Variants in SCFD2 observed in about 807,000 individuals in gnomAD.
The protein encoded by SCFD2 is sec1 family domain-containing protein 2.
Under a neutral mutation model 58.9 loss-of-function variants are expected in SCFD2, and 54 were observed. The observed-to-expected ratio is 0.92, with a 90% CI of 0.74 to 1.15. SCFD2 has a LOEUF of 1.15. Ranked by LOEUF, SCFD2 falls within the 50% of genes most tolerant of loss-of-function variation. The pLI is 0.00. For synonymous variants in SCFD2, 321 were observed against 335.9 expected (o/e 0.96, Z 0.49); for missense variants, 805 against 836.6 (o/e 0.96, Z 0.47).
rs142920948 is a variant in SCFD2 at position 53,008,846 on chromosome 4, G to A, written c.1562-87976C>T. On this transcript the variant is annotated intron_variant, in intron 5 of 8. Coordinates refer to ENST00000401642, the MANE Select transcript of SCFD2 (RefSeq NM_152540.4). ...AGTTCAATAGAAGTACTTTCCAATT[G>A]TCTATAATCTCACTATCATGCAGAA... 3.0e-4 allele frequency among the ~76,000 whole-genome samples: 46 copies of A among 152,270 alleles called. 1 individual carries two copies. The East Asian group carries it at 8.3e-3, about 27-fold the overall frequency.
At chr4:53,331,105 A>C (rs1213510344) in intron 2 of SCFD2, among the ~76,000 whole-genome samples, 2 of 151,848 alleles carry the variant, frequency 1.3e-5, no homozygotes, top group Non-Finnish European at 2.9e-5. Flanking sequence ...GCAAGTCCTG[A>C]GTGACCTACA....
chr4:53,237,046 C>G (rs560311011), intron 4 of SCFD2, among the ~76,000 whole-genome samples: 3,390 of 148,944 alleles, frequency 0.023, 59 homozygotes, highest in Non-Finnish European at 0.034. Flanking sequence ...TGACTCTTAA[C>G]GAGCATGCTG....
At chr4:52,924,281 A>G (rs1166486749) in intron 5 of SCFD2, among the ~76,000 whole-genome samples, 2 of 152,140 alleles carry the variant, frequency 1.3e-5, no homozygotes, top group Non-Finnish European at 2.9e-5. Flanking sequence ...AAAGTTATGG[A>G]TTATACATTG....
intron 5 of SCFD2, among the ~76,000 whole-genome samples, chr4:52,954,427 T>A (rs1720666028): frequency 6.6e-6 from 1 of 152,278 alleles, no homozygotes; most frequent in South Asian, 2.1e-4. Context: ...CACTGGAAGG[T>A]GAGGAAGTCG....
intron 5 of SCFD2, among the ~76,000 whole-genome samples, chr4:53,043,005 C>T (rs1159925256): frequency 6.6e-6 from 1 of 152,268 alleles, no homozygotes; most frequent in Non-Finnish European, 1.5e-5. Context: ...AGAAAAACAA[C>T]AGGGCCACAG....
chr4:53,226,852 C>T (rs1560396676), intron 4 of SCFD2, among the ~76,000 whole-genome samples: 2 of 152,172 alleles, frequency 1.3e-5, no homozygotes, highest in Admixed American at 6.5e-5. Context: ...CAGAAACCAA[C>T]CAACCCTCAA....
At chr4:52,983,037 C>G (rs1721411326) in intron 5 of SCFD2, among the ~76,000 whole-genome samples, 1 of 152,014 alleles carries the variant, frequency 6.6e-6, no homozygotes, top group African/African-American at 2.4e-5. Flanking sequence ...CTACTTGGTC[C>G]CTTGGTTTGT....
chr4:52,989,792 TTC>T (rs1176873988), intron 5 of SCFD2, among the ~76,000 whole-genome samples: 1 of 152,196 alleles, frequency 6.6e-6, no homozygotes, highest in Non-Finnish European at 1.5e-5. Context: ...CTAATGAGTT[TTC>T]TCTGTTCCCT....
At chr4:53,293,795 ATAGG>A (rs1731926431) in intron 3 of SCFD2, among the ~76,000 whole-genome samples, 1 of 152,110 alleles carries the variant, frequency 6.6e-6, no homozygotes, top group African/African-American at 2.4e-5. Flanking sequence ...GGTTTGTTAC[ATAGG>A]TATACACGTG....
intron 2 of SCFD2, among the ~76,000 whole-genome samples, chr4:53,337,052 C>G (rs1484763307): frequency 2.0e-5 from 3 of 152,142 alleles, no homozygotes; most frequent in Non-Finnish European, 4.4e-5. Flanking sequence ...TTAGTCTACT[C>G]CAGTTGCCAT....
At chr4:52,959,166 CA>C (rs1720783506) in intron 5 of SCFD2, among the ~76,000 whole-genome samples, 1 of 152,134 alleles carries the variant, frequency 6.6e-6, no homozygotes, top group Non-Finnish European at 1.5e-5. Flanking sequence ...GGCAGACAGG[CA>C]AAGCTCTGGA....
In SCFD2 at chr4:52,933,539, A is replaced by G. The variant is rs141727211; in HGVS notation, c.1562-12669T>C. On this transcript the variant is annotated intron_variant, in intron 5 of 8. Transcript: ENST00000401642. ...CATGTTCATGTAGGATGGGTTTGAG[A>G]GAGTGGGGCTTGGGCTCAGAGTGTA... 1.6e-3 allele frequency among the ~76,000 whole-genome samples: 247 copies of G among 152,192 alleles called. 2 individuals carry two copies. The highest frequency in any genetic ancestry group is 5.6e-3 in the African/African-American group (231 of 41,516).
intron 5 of SCFD2, among the ~76,000 whole-genome samples, chr4:52,984,485 G>T (rs1721445841): frequency 6.6e-6 from 1 of 152,152 alleles, no homozygotes; most frequent in Non-Finnish European, 1.5e-5. Context: ...GACTGACAGT[G>T]GAATCAAATG....
At chr4:53,310,062 A>G (rs1310689046) in intron 3 of SCFD2, among the ~76,000 whole-genome samples, 1 of 152,194 alleles carries the variant, frequency 6.6e-6, no homozygotes, top group African/African-American at 2.4e-5. Context: ...AGAGAGACAT[A>G]TAAGAAAGTG....
intron 2 of SCFD2, among the ~76,000 whole-genome samples, chr4:53,327,254 G>A (rs1326978044): frequency 1.3e-5 from 2 of 152,074 alleles, no homozygotes; most frequent in African/African-American, 4.8e-5. Flanking sequence ...CAAGAGGGTG[G>A]GTGGGAGCAT....
chr4:53,109,663 G>A (rs1012991020), intron 5 of SCFD2, among the ~76,000 whole-genome samples: 1 of 152,088 alleles, frequency 6.6e-6, no homozygotes, highest in African/African-American at 2.4e-5. Context: ...AACTCACAAC[G>A]AATGTGAAGG....
chr4:53,342,239 C>G (rs1273143871), intron 2 of SCFD2, among the ~76,000 whole-genome samples: 1 of 151,976 alleles, frequency 6.6e-6, no homozygotes, highest in Non-Finnish European at 1.5e-5. Context: ...CACACACAGG[C>G]TCAAAACAAA....
chr4:53,323,042 T>C (rs762072653), intron 2 of SCFD2, among the ~76,000 whole-genome samples: 5 of 152,256 alleles, frequency 3.3e-5, no homozygotes, highest in Admixed American at 6.5e-5. Context: ...TATGCAATGA[T>C]TATACAGTGA....
chr4:52,883,602 T>C (rs933743368), intron 8 of SCFD2, among the ~76,000 whole-genome samples: 1 of 152,190 alleles, frequency 6.6e-6, no homozygotes, highest in Non-Finnish European at 1.5e-5. Context: ...CGTCTGCATT[T>C]TATCCTTTTA....
Sources: gnomAD v4.1 joint callset for allele counts (sites outside exome capture counted in the v4.1 genomes callset) on GRCh38, gnomAD v4.1.1 for gene constraint, MANE v1.5 for transcripts, NCBI Gene and HGNC (gene_info 2026-07-23, HGNC 2026-07-21) for gene names.